The following PDZD2 variants were observed in gnomAD, a reference collection of about 807,000 sequenced individuals.
PDZD2 encodes the protein PDZ domain containing 2.
Under a neutral mutation model 220.7 loss-of-function variants are expected in PDZD2, and 90 were observed. The observed-to-expected ratio is 0.41, with a 90% CI of 0.34 to 0.49. The LOEUF is 0.49. PDZD2 is among the 20% of genes least tolerant of loss of function. The probability of loss-of-function intolerance (pLI) is 0.28; values close to 1 mark genes in which losing one functional copy is unlikely to be tolerated. For synonymous variants in PDZD2, 1,375 were observed against 1,450.5 expected, an observed-to-expected ratio of 0.95 and a Z score of 1.18; for missense variants, 3,174 against 3,608.5, an observed-to-expected ratio of 0.88 and a Z score of 3.08.
intron 2 of PDZD2, among the ~76,000 whole-genome samples, chr5:31,916,268 C>G (rs1180467207): frequency 6.6e-6 from 1 of 152,210 alleles, no homozygotes; most frequent in Non-Finnish European, 1.5e-5. Flanking sequence ...AGGCTCATCT[C>G]CCTCGGTGTC....
intron 2 of PDZD2, among the ~76,000 whole-genome samples, chr5:31,929,440 C>G (rs1199873980): frequency 6.6e-6 from 1 of 152,222 alleles, no homozygotes; most frequent in Non-Finnish European, 1.5e-5. Context: ...AATGCCCCAC[C>G]CATCCTAGTT....
intron 2 of PDZD2, among the ~76,000 whole-genome samples, chr5:31,933,578 C>T (rs1289818593): frequency 4.6e-5 from 7 of 152,054 alleles, no homozygotes; most frequent in Non-Finnish European, 1.0e-4. Flanking sequence ...CTTTGTGACC[C>T]GCTGGACAGC....
chr5:31,953,992 T>G (rs1471468690), intron 2 of PDZD2, among the ~76,000 whole-genome samples: 1 of 152,090 alleles, frequency 6.6e-6, no homozygotes, highest in African/African-American at 2.4e-5. Flanking sequence ...GTCTCTAGGT[T>G]ATAGTCCTAG....
intron 2 of PDZD2, among the ~76,000 whole-genome samples, chr5:31,968,746 A>G (rs1561218061): frequency 6.6e-6 from 1 of 152,196 alleles, no homozygotes; most frequent in Non-Finnish European, 1.5e-5. Context: ...CAAAGGCGCC[A>G]TCAGTGAAAT....
intron 2 of PDZD2, among the ~76,000 whole-genome samples, chr5:31,837,870 G>T (rs1237943413): frequency 6.6e-6 from 1 of 152,130 alleles, no homozygotes; most frequent in Non-Finnish European, 1.5e-5. Context: ...CTGGGTGAGT[G>T]ACACAGTGAG....
chr5:31,976,562 G>A (rs1749781433), intron 2 of PDZD2, among the ~76,000 whole-genome samples: 1 of 152,084 alleles, frequency 6.6e-6, no homozygotes, highest in South Asian at 2.1e-4. Context: ...GTAGGGACCT[G>A]ACATACTCAG....
At chr5:31,850,020 A>G (rs1448405920) in intron 2 of PDZD2, among the ~76,000 whole-genome samples, 4,665 of 105,432 alleles carry the variant, frequency 0.044, 1,208 homozygotes, top group African/African-American at 0.11. Flanking sequence ...ACACACACGT[A>G]TATACTCATA....
chr5:32,027,232 T>C (rs1487978940), intron 6 of PDZD2, among the ~76,000 whole-genome samples: 1 of 152,122 alleles, frequency 6.6e-6, no homozygotes, highest in African/African-American at 2.4e-5. Flanking sequence ...AGCTGAGAGT[T>C]ACTAGAGGAC....
chr5:31,872,006 T>TA (rs1476875929), intron 2 of PDZD2, among the ~76,000 whole-genome samples: 1 of 151,972 alleles, frequency 6.6e-6, no homozygotes, highest in East Asian at 1.9e-4. Context: ...AGCAGAATAT[T>TA]AAAATGACTC....
In PDZD2 at chr5:32,107,823, A is replaced by G. The variant is rs1581517728; in HGVS notation, c.8354-146A>G. On this transcript the variant is annotated intron_variant, in intron 24 of 24. Transcript: ENST00000438447. ...TAGACCAGTTTACTTTTATGGATAT[A>G]TGCTTTTTGTGTTCTAAGAAATATT... 10 of 515,770 alleles carry G rather than the reference A, an allele frequency of 1.9e-5. No homozygotes were observed. The South Asian group carries it at 3.6e-4, about 19-fold the overall frequency. 31.9% of individuals were successfully genotyped at this position (515,770 alleles called of 1,614,324 possible).
chr5:32,008,196 G>A (rs569033332), intron 5 of PDZD2, among the ~76,000 whole-genome samples: 5 of 150,342 alleles, frequency 3.3e-5, no homozygotes, highest in African/African-American at 1.2e-4. Context: ...ATGTATTTTT[G>A]TTGACCTTTA....
chr5:31,664,076 A>G (rs912307422), intron 1 of PDZD2, among the ~76,000 whole-genome samples: 21 of 152,372 alleles, frequency 1.4e-4, no homozygotes, highest in African/African-American at 4.8e-4. Flanking sequence ...TCTAGAGAAC[A>G]TTATCTACAA....
intron 6 of PDZD2, among the ~76,000 whole-genome samples, chr5:32,018,881 A>T (rs141150888): frequency 6.6e-6 from 1 of 152,326 alleles, no homozygotes; most frequent in Non-Finnish European, 1.5e-5. Context: ...AGAAAATAAG[A>T]TTTACATTTG....
In PDZD2 at chr5:31,757,028, A is replaced by G. The variant is rs182026597; in HGVS notation, c.-360-41861A>G. On this transcript the variant is annotated intron_variant, in intron 1 of 24. Transcript: ENST00000438447. ...GCTGGGTCGGGCGGTTCATGCCTGT[A>G]ATCCCAGCACTTTGGGAGGATGCAG... 1.5e-3 allele frequency among the ~76,000 whole-genome samples: 230 copies of G among 152,364 alleles called. 1 individual carries two copies. The highest frequency in any genetic ancestry group is 1.4e-3 in the Non-Finnish European group (95 of 68,038).
At position 32,057,688 on chromosome 5, in the gene PDZD2, T is replaced by C. The variant is rs1234861381; in HGVS notation, c.1934T>C (p.Ile645Thr). Reference sequence around the variant, plus strand: ...ATCCTAGATGTAAATGGAATACCAATAAAGGGCTTGACATTTCAAGAAGCC... The same window carrying C: ...ATCCTAGATGTAAATGGAATACCAACAAAGGGCTTGACATTTCAAGAAGCC... Reference protein sequence around the residue: ...DEILDVNGIPIKGLTFQEAIH... With the variant: ...DEILDVNGIPTKGLTFQEAIH... Residue 645 changes from isoleucine (I) to threonine (T), a missense_variant, in exon 11 of 25, where the codon ATA (isoleucine) becomes ACA (threonine). Ile to Thr is a moderately conservative substitution (Grantham distance 89, BLOSUM62 -1). Coordinates refer to ENST00000438447, the MANE Select transcript of PDZD2 (RefSeq NM_178140.4). 6.3e-7 allele frequency: 1 copy of C among 1,595,506 alleles called. No homozygotes were observed. Among genetic ancestry groups the C allele is most frequent in the East Asian group, 2.2e-5 (1 of 44,776 alleles).
intron 2 of PDZD2, among the ~76,000 whole-genome samples, chr5:31,921,260 C>A (rs1744225009): frequency 6.6e-6 from 1 of 152,202 alleles, no homozygotes; most frequent in African/African-American, 2.4e-5. Flanking sequence ...TCTCCTCCAT[C>A]TGTGATTTAA....
chr5:31,837,016 AAAAGAAAGAAAGAAAG>A (rs5867108), intron 2 of PDZD2, among the ~76,000 whole-genome samples: 36,432 of 146,584 alleles, frequency 0.25, 5,297 homozygotes, highest in Non-Finnish European at 0.32. Flanking sequence ...AGACTGTCTT[AAAAGAAAGAAAGAAAG>A]AAAGAAAGAA....
intron 9 of PDZD2, among the ~76,000 whole-genome samples, 169 bp from the exon 10 acceptor site, chr5:32,053,600 C>T (rs1326135003): frequency 6.6e-6 from 1 of 152,200 alleles, no homozygotes; most frequent in African/African-American, 2.4e-5. Context: ...AGAACACAAA[C>T]TTGAGTTTGC....
chr5:31,947,909 G>A (rs1361295484), intron 2 of PDZD2, among the ~76,000 whole-genome samples: 1 of 152,050 alleles, frequency 6.6e-6, no homozygotes, highest in Non-Finnish European at 1.5e-5. Flanking sequence ...GGAAGGCCAA[G>A]CGAACAATGT....
Sources: gnomAD v4.1 joint callset for allele counts (sites outside exome capture counted in the v4.1 genomes callset) on GRCh38, gnomAD v4.1.1 for gene constraint, MANE v1.5 for transcripts, NCBI Gene and HGNC (gene_info 2026-07-23, HGNC 2026-07-21) for gene names.